Variants in STK40 observed in about 807,000 individuals in gnomAD.
The protein encoded by STK40 is serine/threonine kinase 40.
In STK40, 13 loss-of-function variants were observed where a neutral mutation model predicts 47.9. The observed-to-expected ratio is 0.27, with a 90% CI of 0.18 to 0.43. The LOEUF (loss-of-function observed/expected upper bound fraction) is 0.43. Ranked by LOEUF, STK40 falls within the 20% of genes least tolerant of loss-of-function variation. The pLI is 1.00. For synonymous variants in STK40, 225 were observed against 243.2 expected (o/e 0.93, Z 0.69); for missense variants, 460 against 595.1 (o/e 0.77, Z 2.36).
rs777299774 is a variant in STK40 at position 36,348,764 on chromosome 1, G to A, written c.675C>T (p.Ser225=). Residue 225 remains serine (S), a synonymous_variant, in exon 7 of 11, where the codon AGC becomes AGT. Transcript: ENST00000373132. Reference sequence around the variant, plus strand: ...TCTGGTCCTTCAGCAGGTCCCCCTCGCTCACCAGATGCTTCCCGAGGCAGA... The same window carrying A: ...TCTGGTCCTTCAGCAGGTCCCCCTCACTCACCAGATGCTTCCCGAGGCAGA... The part of the protein sequence containing the change: ...TNFCLGKHLV[S]EGDLLKDQRG... 11 of 1,610,610 alleles carry A rather than the reference G, an allele frequency of 6.8e-6. No individual in the cohort carries two copies. In the East Asian group the frequency reaches 1.8e-4, roughly 26 times the overall value.
intron 6 of STK40, among the ~76,000 whole-genome samples, chr1:36,351,928 A>G (rs1372594031): frequency 6.6e-6 from 1 of 152,254 alleles, no homozygotes; most frequent in Non-Finnish European, 1.5e-5. Flanking sequence ...TGGAGGGCAC[A>G]TGGGCTCTGC....
intron 7 of STK40, among the ~76,000 whole-genome samples, chr1:36,346,080 C>T (rs1375575828): frequency 1.4e-5 from 2 of 138,006 alleles, no homozygotes; most frequent in African/African-American, 5.5e-5. Flanking sequence ...CTGCAAGCTC[C>T]GCCTCCCAGG....
intron 6 of STK40, among the ~76,000 whole-genome samples, chr1:36,350,058 G>A (rs1383696293): frequency 6.6e-6 from 1 of 152,204 alleles, no homozygotes. Flanking sequence ...CGGTGATCTC[G>A]GGGAATTCTG....
At chr1:36,349,009 C>G (rs1243896708) in intron 6 of STK40, among the ~76,000 whole-genome samples, 194 bp from the exon 7 acceptor site, 1 of 152,240 alleles carries the variant, frequency 6.6e-6, no homozygotes, top group Non-Finnish European at 1.5e-5. Flanking sequence ...CCAGACTTTT[C>G]TGGCCACCAG....
chr1:36,346,119 C>T (rs1235506708), intron 7 of STK40, among the ~76,000 whole-genome samples: 2 of 149,536 alleles, frequency 1.3e-5, no homozygotes, highest in Admixed American at 6.7e-5. Context: ...CTCAGCCTCC[C>T]GAGTAGCTGG....
chr1:36,368,285 T>A (rs55884843), intron 1 of STK40, among the ~76,000 whole-genome samples: 29,737 of 149,372 alleles, frequency 0.2, 4,017 homozygotes, highest in African/African-American at 0.4. Context: ...ATATATATAT[T>A]TTTTTTCGAG....
At chr1:36,342,846 C>T in intron 10 of STK40, 1 of 308,426 alleles carries the variant, frequency 3.2e-6, no homozygotes, top group South Asian at 3.5e-5. Context: ...TATCCAGGGC[C>T]CAGCAATGCT....
chr1:36,357,595 A>C (rs1339637249), intron 4 of STK40, among the ~76,000 whole-genome samples: 1 of 151,348 alleles, frequency 6.6e-6, no homozygotes, highest in East Asian at 1.9e-4. Context: ...AAATGTCTCA[A>C]AAAAAAAAAT....
chr1:36,384,045 T>C (rs77827527), intron 1 of STK40, among the ~76,000 whole-genome samples: 1 of 151,382 alleles, frequency 6.6e-6, no homozygotes, highest in Non-Finnish European at 1.5e-5. Flanking sequence ...TTTTTTTTTT[T>C]TTGAGACAGA....
intron 1 of STK40, among the ~76,000 whole-genome samples, chr1:36,376,895 C>A (rs934360950): frequency 2.0e-5 from 3 of 151,726 alleles, no homozygotes; most frequent in Non-Finnish European, 4.4e-5. Flanking sequence ...TCTGCCTCAG[C>A]CTCCCGAGTA....
chr1:36,370,068 C>T (rs1354479859), intron 1 of STK40, among the ~76,000 whole-genome samples: 1 of 152,234 alleles, frequency 6.6e-6, no homozygotes, highest in Non-Finnish European at 1.5e-5. Flanking sequence ...ACTGGGGCTG[C>T]ACTGGATAGT....
In STK40 at chr1:36,341,140, G is replaced by C. The variant is rs930295344; in HGVS notation, c.*615C>G. ...TTGCTGTCCAGCCAGGCTGGGGGCA[G>C]GGAGTGGCCATGGACTGAGCCACCT... On this transcript the variant is annotated 3_prime_UTR_variant, in exon 11 of 11. Coordinates refer to ENST00000373132, the MANE Select transcript of STK40 (RefSeq NM_001282547.2). 6.5e-6 allele frequency: 1 copy of C among 153,072 alleles called. No individual in the cohort carries two copies. Among genetic ancestry groups the C allele is most frequent in the Admixed American group, 6.5e-5 (1 of 15,294 alleles). The allele number at this position is 153,072 out of a possible 1,614,324, so 9.5% of individuals were successfully genotyped here. A position where few individuals can be genotyped will look rare whatever the true frequency, so the allele number is the denominator to read the frequency against.
chr1:36,364,888 G>A (rs984734655), intron 1 of STK40, among the ~76,000 whole-genome samples: 11 of 150,702 alleles, frequency 7.3e-5, no homozygotes, highest in Admixed American at 6.6e-4. Flanking sequence ...CCTTTAGTTT[G>A]TTTTTGCTGA....
intron 6 of STK40, among the ~76,000 whole-genome samples, chr1:36,352,026 G>A (rs1487382996): frequency 6.6e-6 from 1 of 152,220 alleles, no homozygotes; most frequent in Non-Finnish European, 1.5e-5. Context: ...ACTGGCCCAA[G>A]GCCCCAGAGA....
At chr1:36,374,973 T>C (rs1401784319) in intron 1 of STK40, among the ~76,000 whole-genome samples, 2 of 151,806 alleles carry the variant, frequency 1.3e-5, no homozygotes, top group Non-Finnish European at 2.9e-5. Flanking sequence ...CCATGTGGAG[T>C]TCAAGTTCTT....
chr1:36,374,524 AT>A (rs1312125726), intron 1 of STK40, among the ~76,000 whole-genome samples: 4 of 152,232 alleles, frequency 2.6e-5, no homozygotes, highest in African/African-American at 9.6e-5. Context: ...CCAGGGCAGC[AT>A]TGCCAGCCCT....
At chr1:36,366,120 C>T (rs1570456576) in intron 1 of STK40, 1 of 152,502 alleles carries the variant, frequency 6.6e-6, no homozygotes, top group Middle Eastern at 3.4e-3. Context: ...TCTTTCTTTC[C>T]CAGGTCCCTG....
At chr1:36,345,985 A>ATT (rs1383008702) in intron 7 of STK40, among the ~76,000 whole-genome samples, 2 of 9,808 alleles carry the variant, frequency 2.0e-4, no homozygotes, top group Non-Finnish European at 7.2e-4. Flanking sequence ...ATATATATAT[A>ATT]TATATATTTT....
intron 4 of STK40, among the ~76,000 whole-genome samples, chr1:36,357,067 G>A (rs1042939060): frequency 1.3e-5 from 2 of 152,200 alleles, no homozygotes; most frequent in African/African-American, 2.4e-5. Context: ...AGGAACTCAA[G>A]CTGACAAGGA....
Sources: gnomAD v4.1 joint callset for allele counts (sites outside exome capture counted in the v4.1 genomes callset) on GRCh38, gnomAD v4.1.1 for gene constraint, MANE v1.5 for transcripts, NCBI Gene and HGNC (gene_info 2026-07-23, HGNC 2026-07-21) for gene names.